NFIB: variants seen among roughly 807,000 people sequenced by gnomAD.
The protein encoded by NFIB is nuclear factor I B, also known as nuclear factor 1 B-type.
In NFIB, 11 loss-of-function variants were observed where a neutral mutation model predicts 61.5. That is an observed-to-expected ratio of 0.18 (90% CI 0.11 to 0.30). The LOEUF (loss-of-function observed/expected upper bound fraction) is 0.30. Among genes scored for constraint, NFIB ranks in the 10% least tolerant of loss-of-function variants. NFIB has a pLI of 1.00. For missense variants in NFIB, 471 were observed against 608.9 expected (o/e 0.77, Z 2.38); for synonymous variants, 260 against 216.5 (o/e 1.20, Z -1.76).
intron 2 of NFIB, among the ~76,000 whole-genome samples, chr9:14,263,730 T>C (rs939194381): frequency 2.0e-5 from 3 of 152,164 alleles, no homozygotes; most frequent in African/African-American, 7.2e-5. Flanking sequence ...AATTCAGAAT[T>C]GGAGTTTAGG....
chr9:14,429,227 G>C, the NFIB span, among the ~76,000 whole-genome samples: 60,955 of 151,978 alleles, frequency 0.4, 12,626 homozygotes, highest in Admixed American at 0.53. Flanking sequence ...TATGGCTCTG[G>C]AAAGGAAAGG....
chr9:14,169,790 C>G lies in NFIB; in HGVS notation c.616+9937G>C, dbSNP rs183334813. On this transcript the variant is annotated intron_variant, in intron 3 of 10. Transcript: ENST00000380953. Reference sequence around the variant, plus strand: ...CTGAGATCATGTCACTGCACTCCAGCCTGGGCAACAGAGCAAGACTCCTTC... The same window carrying G: ...CTGAGATCATGTCACTGCACTCCAGGCTGGGCAACAGAGCAAGACTCCTTC... Among the ~76,000 whole-genome samples the G allele has an allele frequency of 3.8e-3, 580 of 152,326 alleles. 5 individuals carry two copies. The highest frequency in any genetic ancestry group is 5.1e-3 in the Non-Finnish European group (347 of 68,030).
chr9:14,349,961 C>G (rs2132907940), intron 1 of NFIB, among the ~76,000 whole-genome samples: 1 of 152,270 alleles, frequency 6.6e-6, no homozygotes, highest in Non-Finnish European at 1.5e-5. Context: ...CCTTTCTATA[C>G]CCACTCATCT....
At chr9:14,285,016 A>G (rs895919883) in intron 2 of NFIB, among the ~76,000 whole-genome samples, 1 of 152,270 alleles carries the variant, frequency 6.6e-6, no homozygotes, top group Admixed American at 6.5e-5. Context: ...AATGAGAAAG[A>G]CTGCTTAGTT....
intron 2 of NFIB, among the ~76,000 whole-genome samples, chr9:14,196,783 C>T (rs2048519788): frequency 6.6e-6 from 1 of 151,630 alleles, no homozygotes; most frequent in Non-Finnish European, 1.5e-5. Context: ...AATCAGACTA[C>T]TTAATTAAGT....
At chr9:14,449,536 A>C in the NFIB span, among the ~76,000 whole-genome samples, 4 of 152,206 alleles carry the variant, frequency 2.6e-5, no homozygotes, top group Admixed American at 2.0e-4. Flanking sequence ...ATGAGTTGAA[A>C]GTGTGATCAT....
At chr9:14,464,252 T>C in the NFIB span, among the ~76,000 whole-genome samples, 2 of 152,200 alleles carry the variant, frequency 1.3e-5, no homozygotes, top group African/African-American at 4.8e-5. Flanking sequence ...ATGGTAAGAA[T>C]CCTCTGAAAT....
intron 2 of NFIB, among the ~76,000 whole-genome samples, chr9:14,263,494 A>G (rs930465205): frequency 6.6e-6 from 1 of 152,206 alleles, no homozygotes; most frequent in Admixed American, 6.5e-5. Flanking sequence ...ATTAAAACAT[A>G]AACTTATTTT....
At chr9:14,278,589 G>T (rs2058163851) in intron 2 of NFIB, among the ~76,000 whole-genome samples, 1 of 152,192 alleles carries the variant, frequency 6.6e-6, no homozygotes, top group South Asian at 2.1e-4. Context: ...AGAATGTTTG[G>T]GTTTGGAGGT....
intron 1 of NFIB, among the ~76,000 whole-genome samples, chr9:14,371,724 G>A (rs1321163258): frequency 6.6e-6 from 1 of 152,182 alleles, no homozygotes; most frequent in Non-Finnish European, 1.5e-5. Flanking sequence ...CTATTCATTT[G>A]GTAGTAGCTA....
rs553492235 is a variant in NFIB, at chr9:14,086,495, C to G, written c.*1814G>C. The stretch of plus-strand genomic sequence containing the variant: ...TCGTATAAATTTGAAACCCCTCCCC[C>G]CCAAATATTAATTGGAAGATGAAAA... On this transcript the variant is annotated 3_prime_UTR_variant, in exon 11 of 11. Transcript: ENST00000380953. 9.2e-6 allele frequency: 2 copies of G among 216,770 alleles called. No homozygotes were observed. Among genetic ancestry groups the G allele is most frequent in the Admixed American group, 5.8e-5 (1 of 17,178 alleles). 13.4% of individuals were successfully genotyped at this position (216,770 alleles called of 1,614,324 possible).
At chr9:14,423,677 T>G in the NFIB span, among the ~76,000 whole-genome samples, 3 of 152,182 alleles carry the variant, frequency 2.0e-5, no homozygotes, top group African/African-American at 7.2e-5. Flanking sequence ...GTAATGCCCC[T>G]TTTAGGGAAC....
At chr9:14,134,564 GGT>G (rs576319408) in intron 6 of NFIB, among the ~76,000 whole-genome samples, 20 of 152,196 alleles carry the variant, frequency 1.3e-4, no homozygotes, top group South Asian at 6.2e-4. Flanking sequence ...AAAATTCTAT[GGT>G]GTAGCCAAAG....
At chr9:14,501,322 G>C in the NFIB span, among the ~76,000 whole-genome samples, 1 of 152,146 alleles carries the variant, frequency 6.6e-6, no homozygotes, top group Non-Finnish European at 1.5e-5. Context: ...TCATAAAATA[G>C]ACACAGAGTC....
rs2059812443 is a variant in NFIB, at chr9:14,302,712, T to C, written c.562+4277A>G. Reference sequence around the variant, plus strand: ...TCTCTCTTCAAAACGCTTTCCTGCCTCAGAGAAAGGCCAATCCCACTCCCG... The same window carrying C: ...TCTCTCTTCAAAACGCTTTCCTGCCCCAGAGAAAGGCCAATCCCACTCCCG... On this transcript the variant is annotated intron_variant, in intron 2 of 10. Transcript: ENST00000380953. Among the ~76,000 whole-genome samples, 4 of 152,110 alleles carry C rather than the reference T, an allele frequency of 2.6e-5. No individual in the cohort carries two copies. In the South Asian group the frequency reaches 6.2e-4, roughly 24 times the overall value.
intron 5 of NFIB, among the ~76,000 whole-genome samples, chr9:14,148,858 G>C (rs897512938): frequency 2.6e-5 from 4 of 152,166 alleles, no homozygotes; most frequent in Non-Finnish European, 4.4e-5. Flanking sequence ...TCCAAAGTTA[G>C]ACCTTACATT....
intron 2 of NFIB, among the ~76,000 whole-genome samples, chr9:14,241,735 T>TA (rs936448915): frequency 5.9e-5 from 9 of 151,994 alleles, no homozygotes; most frequent in Admixed American, 2.0e-4. Context: ...TACCAGATGT[T>TA]AAAAAAAAGC....
chr9:14,382,761 C>T (rs942653277), intron 1 of NFIB, among the ~76,000 whole-genome samples: 10 of 152,052 alleles, frequency 6.6e-5, no homozygotes, highest in African/African-American at 2.4e-4. Flanking sequence ...ACCCAAGGGA[C>T]TATTACACAT....
the NFIB span, among the ~76,000 whole-genome samples, chr9:14,457,275 G>C: frequency 6.6e-6 from 1 of 152,094 alleles, no homozygotes; most frequent in Non-Finnish European, 1.5e-5. Flanking sequence ...CGCACATTTT[G>C]AATTTTGAAC....
Sources: allele counts gnomAD v4.1 joint callset (sites outside exome capture counted in the v4.1 genomes callset), GRCh38; gene constraint gnomAD v4.1.1; transcripts MANE v1.5; gene names NCBI Gene and HGNC (gene_info 2026-07-23, HGNC 2026-07-21).